ABI3BP: variants seen among roughly 807,000 people sequenced by gnomAD.
ABI3BP encodes the protein target of Nesh-SH3.
A neutral mutation model predicts 268.6 loss-of-function variants in ABI3BP; 216 were observed. The ratio of observed to expected loss-of-function variants is 0.80; its 90% CI spans 0.72 to 0.90. ABI3BP has a LOEUF of 0.90. Among genes scored for constraint, ABI3BP ranks in the 40% least tolerant of loss-of-function variants. The pLI, the probability that ABI3BP is intolerant of heterozygous loss-of-function variation, is 0.00. For synonymous variants in ABI3BP, 730 were observed against 730.0 expected, an observed-to-expected ratio of 1.00 and a Z score of 0.00; for missense variants, 2,090 against 2,182.4, an observed-to-expected ratio of 0.96 and a Z score of 0.84.
intron 3 of ABI3BP, among the ~76,000 whole-genome samples, chr3:100,899,246 C>T (rs1016857119): frequency 2.0e-5 from 3 of 152,110 alleles, no homozygotes; most frequent in Non-Finnish European, 4.4e-5. Flanking sequence ...GTGAAATAAA[C>T]AAACACACAT....
intron 6 of ABI3BP, among the ~76,000 whole-genome samples, chr3:100,876,834 A>G (rs2153297478): frequency 6.6e-6 from 1 of 152,096 alleles, no homozygotes; most frequent in South Asian, 2.1e-4. Flanking sequence ...ACAAAAAAAA[A>G]AAAATTAGTT....
intron 51 of ABI3BP, among the ~76,000 whole-genome samples, chr3:100,804,092 T>C (rs1412819185): frequency 6.6e-6 from 1 of 152,154 alleles, no homozygotes; most frequent in African/African-American, 2.4e-5. Flanking sequence ...TAGTTAAAAA[T>C]GAGCTTGGCT....
At chr3:100,775,648 A>T (rs2096678339) in intron 59 of ABI3BP, among the ~76,000 whole-genome samples, 1 of 152,186 alleles carries the variant, frequency 6.6e-6, no homozygotes, top group Non-Finnish European at 1.5e-5. Context: ...AAATGCCTTC[A>T]CAGAGGATGT....
Position 100,795,868 on chromosome 3 carries a change from C to A in ABI3BP, c.3818-17G>T. Reference sequence around the variant, plus strand: ...GCTGCAGAACTATGCCAAAAGCAAGCCAAAGGAACATATTTATGAGAATTA... The same window carrying A: ...GCTGCAGAACTATGCCAAAAGCAAGACAAAGGAACATATTTATGAGAATTA... On this transcript the variant is annotated splice_polypyrimidine_tract_variant and intron_variant, in intron 52 of 67. Coordinates refer to ENST00000471714, the MANE Select transcript of ABI3BP (RefSeq NM_001375547.2). The A allele has an allele frequency of 3.9e-6, 5 of 1,280,060 alleles. No homozygotes were observed. The highest frequency in any genetic ancestry group is 4.1e-6 in the Non-Finnish European group (4 of 985,844). The allele number at this position is 1,280,060 out of a possible 1,614,324, so 79.3% of individuals were successfully genotyped here. A position where few individuals can be genotyped will look rare whatever the true frequency, so the allele number is the denominator to read the frequency against.
chr3:100,864,807 G>GAAA, intron 11 of ABI3BP, 26 bp downstream of exon 11: 2 of 1,335,094 alleles, frequency 1.5e-6, no homozygotes, highest in Non-Finnish European at 2.0e-6. Flanking sequence ...TGTTTTTTTA[G>GAAA]AAAAAAAAAA....
At chr3:100,789,390 T>C in intron 56 of ABI3BP, 64 bp downstream of exon 56, 2 of 1,504,484 alleles carry the variant, frequency 1.3e-6, no homozygotes, top group Non-Finnish European at 9.1e-7. Flanking sequence ...TATTTGGCTA[T>C]TTCAGTCCAT....
Position 100,902,665 on chromosome 3 carries a change from A to G in ABI3BP, c.281T>C (p.Ile94Thr), listed in dbSNP as rs200611422. The part of the protein sequence containing the change: ...AIVDAEPKYL[I>T]VVRPAPPPSQ... ...TGGAGGTGGAGCAGGTCGCACAACT[A>G]TCAGATATTTCGGCTCTGCATCTGG... The change falls in exon 3 of 68, where the codon ATA becomes ACA. Residue 94 changes from isoleucine (I) to threonine (T), a missense_variant. Transcript: ENST00000471714. 63 of 1,613,902 alleles carry G rather than the reference A, an allele frequency of 3.9e-5. No individual in the cohort carries two copies. In the East Asian group the frequency reaches 9.6e-4, roughly 25 times the overall value.
At chr3:100,765,642 A>C (rs2096240113) in intron 63 of ABI3BP, among the ~76,000 whole-genome samples, 199 bp downstream of exon 63, 1 of 152,198 alleles carries the variant, frequency 6.6e-6, no homozygotes, top group African/African-American at 2.4e-5. Flanking sequence ...CCTTGTCAGC[A>C]ATTTTAAACC....
intron 5 of ABI3BP, 50 bp from the exon 6 acceptor site, chr3:100,885,638 A>T (rs1321187271): frequency 8.7e-7 from 1 of 1,146,172 alleles, no homozygotes; most frequent in Admixed American, 2.3e-5. Flanking sequence ...CTTGCTCCTA[A>T]ATCAACTCTA....
intron 54 of ABI3BP, among the ~76,000 whole-genome samples, chr3:100,793,379 A>G (rs2097254948): frequency 6.6e-6 from 1 of 152,016 alleles, no homozygotes; most frequent in South Asian, 2.1e-4. Flanking sequence ...GGATCCAAGG[A>G]AATACTTGGT....
chr3:100,989,292 G>A (rs1298050663), intron 1 of ABI3BP, among the ~76,000 whole-genome samples: 5 of 152,080 alleles, frequency 3.3e-5, no homozygotes, highest in South Asian at 4.1e-4. Context: ...ACAGAAGCAC[G>A]AAACAGACAA....
intron 2 of ABI3BP, among the ~76,000 whole-genome samples, chr3:100,918,642 C>T (rs1215169861): frequency 6.6e-6 from 1 of 151,918 alleles, no homozygotes; most frequent in East Asian, 1.9e-4. Flanking sequence ...CAGCACATAA[C>T]AAGCAGAGAT....
chr3:100,886,461 T>A (rs2042019735), intron 4 of ABI3BP, 138 bp from the exon 5 acceptor site: 2 of 575,984 alleles, frequency 3.5e-6, no homozygotes, highest in Non-Finnish European at 5.3e-6. Context: ...TTTTAAAAAA[T>A]TTGCAGAGAA....
intron 1 of ABI3BP, among the ~76,000 whole-genome samples, chr3:100,981,667 C>T (rs529718200): frequency 6.6e-6 from 1 of 152,192 alleles, no homozygotes; most frequent in Non-Finnish European, 1.5e-5. Context: ...GACAAATATG[C>T]TCTGAGCAGG....
intron 6 of ABI3BP, among the ~76,000 whole-genome samples, chr3:100,876,892 G>A (rs1176578398): frequency 6.6e-6 from 1 of 152,106 alleles, no homozygotes; most frequent in African/African-American, 2.4e-5. Flanking sequence ...GGAGGCTAAG[G>A]AAGGAGAATT....
At chr3:100,978,809 C>A (rs1388541849) in intron 1 of ABI3BP, among the ~76,000 whole-genome samples, 1 of 152,184 alleles carries the variant, frequency 6.6e-6, no homozygotes, top group East Asian at 1.9e-4. Flanking sequence ...GTAAAGAGAT[C>A]AGCATTATTT....
At chr3:100,778,250 A>C in intron 59 of ABI3BP, 34 bp downstream of exon 59, 1 of 1,601,026 alleles carries the variant, frequency 6.2e-7, no homozygotes, top group Non-Finnish European at 8.6e-7. Context: ...AACCGAAATC[A>C]TGGCGGGAAA....
At chr3:100,864,338 G>C (rs1004418086) in intron 11 of ABI3BP, 2 of 471,196 alleles carry the variant, frequency 4.2e-6, no homozygotes, top group African/African-American at 3.9e-5. Flanking sequence ...TCAGGGGAAA[G>C]AGAACAACAA....
intron 40 of ABI3BP, among the ~76,000 whole-genome samples, chr3:100,819,947 CA>C (rs3029879): frequency 0.039 from 3,682 of 94,478 alleles, 42 homozygotes; most frequent in Admixed American, 0.072. Context: ...GACTCCGTCT[CA>C]AAAAAAAAAA....
Sources: allele counts gnomAD v4.1 joint callset (sites outside exome capture counted in the v4.1 genomes callset), GRCh38; gene constraint gnomAD v4.1.1; transcripts MANE v1.5; gene names NCBI Gene and HGNC (gene_info 2026-07-23, HGNC 2026-07-21).